Variants in SIPA1L1 observed in about 807,000 individuals in gnomAD.
SIPA1L1 encodes the protein signal-induced proliferation-associated 1-like protein 1.
In SIPA1L1, 26 loss-of-function variants were observed where a neutral mutation model predicts 162.7. The observed-to-expected ratio is 0.16, with a 90% confidence interval of 0.12 to 0.22. The LOEUF (loss-of-function observed/expected upper bound fraction) is 0.22, where lower values mean the gene tolerates loss of function less well. Among genes scored for constraint, SIPA1L1 ranks in the 10% least tolerant of loss-of-function variants. The probability of loss-of-function intolerance (pLI) is 1.00; values close to 1 mark genes in which losing one functional copy is unlikely to be tolerated. For synonymous variants in SIPA1L1, 829 were observed against 837.4 expected (o/e 0.99, Z 0.17); for missense variants, 1,874 against 2,241.0 (o/e 0.84, Z 3.31).
At chr14:71,665,140 A>G (rs1290946450) in intron 10 of SIPA1L1, among the ~76,000 whole-genome samples, 1 of 152,320 alleles carries the variant, frequency 6.6e-6, no homozygotes, top group Admixed American at 6.5e-5. Context: ...ACACAGAAAG[A>G]TAAATTTGGA....
At chr14:71,708,394 G>T (rs536954909) in intron 16 of SIPA1L1, among the ~76,000 whole-genome samples, 2 of 149,306 alleles carry the variant, frequency 1.3e-5, no homozygotes, top group Non-Finnish European at 1.5e-5. Flanking sequence ...GCACAATCTC[G>T]GCTCACTGTA....
chr14:71,425,083 C>T (rs1335365167), intron 2 of SIPA1L1, among the ~76,000 whole-genome samples: 1 of 151,870 alleles, frequency 6.6e-6, no homozygotes, highest in Non-Finnish European at 1.5e-5. Flanking sequence ...CTTTTTATTT[C>T]TGTAGAATCA....
chr14:71,497,176 C>G (rs1459313574), intron 2 of SIPA1L1, among the ~76,000 whole-genome samples: 1 of 147,590 alleles, frequency 6.8e-6, no homozygotes, highest in Non-Finnish European at 1.5e-5. Context: ...TCTCAAAAAA[C>G]AAACAAACAA....
intron 4 of SIPA1L1, among the ~76,000 whole-genome samples, chr14:71,584,476 T>G (rs2034336645): frequency 6.6e-6 from 1 of 152,234 alleles, no homozygotes; most frequent in South Asian, 2.1e-4. Flanking sequence ...CCCCGTCATC[T>G]TCTTACTTGT....
At chr14:71,601,763 T>G (rs986732016) in intron 5 of SIPA1L1, among the ~76,000 whole-genome samples, 3 of 152,160 alleles carry the variant, frequency 2.0e-5, no homozygotes, top group African/African-American at 7.2e-5. Context: ...ATCTTATAAC[T>G]TGTTATTGTT....
chr14:71,705,704 C>T (rs1437294977), intron 16 of SIPA1L1, among the ~76,000 whole-genome samples: 1 of 151,730 alleles, frequency 6.6e-6, no homozygotes, highest in Non-Finnish European at 1.5e-5. Context: ...TGAGAGGGCT[C>T]CAGCAGGACT....
intron 2 of SIPA1L1, among the ~76,000 whole-genome samples, chr14:71,479,951 A>G (rs2048211732): frequency 1.3e-5 from 2 of 151,888 alleles, no homozygotes; most frequent in Admixed American, 1.3e-4. Flanking sequence ...ATTGTCCAGG[A>G]TGATCTTGAA....
chr14:71,730,971 G>T (rs551174008), intron 20 of SIPA1L1, among the ~76,000 whole-genome samples: 120 of 152,180 alleles, frequency 7.9e-4, no homozygotes, highest in Non-Finnish European at 1.4e-3. Context: ...CCATTCCAGG[G>T]CTCTACACCT....
chr14:71,392,642 C>T (rs2040851824), intron 2 of SIPA1L1, among the ~76,000 whole-genome samples: 1 of 152,186 alleles, frequency 6.6e-6, no homozygotes, highest in Non-Finnish European at 1.5e-5. Context: ...ATTCTCCTGC[C>T]TCAGCCTCCC....
chr14:71,734,518 TTC>T (rs1347632131), intron 21 of SIPA1L1, among the ~76,000 whole-genome samples: 1 of 152,236 alleles, frequency 6.6e-6, no homozygotes, highest in Non-Finnish European at 1.5e-5. Context: ...TGATTTTTTT[TTC>T]TGTTTTTGTT....
intron 4 of SIPA1L1, among the ~76,000 whole-genome samples, chr14:71,542,678 C>T (rs1429942406): frequency 7.7e-6 from 1 of 129,434 alleles, no homozygotes; most frequent in African/African-American, 2.9e-5. Flanking sequence ...TCCTCCTCCT[C>T]CTCCTTCCTT....
At chr14:71,731,882 C>T (rs1265639164) in intron 20 of SIPA1L1, among the ~76,000 whole-genome samples, 2 of 152,208 alleles carry the variant, frequency 1.3e-5, no homozygotes, top group Non-Finnish European at 2.9e-5. Flanking sequence ...ACCAGGCAGT[C>T]CTCATTGGGC....
intron 4 of SIPA1L1, among the ~76,000 whole-genome samples, chr14:71,547,235 G>A (rs2055307503): frequency 6.9e-6 from 1 of 144,150 alleles, no homozygotes; most frequent in African/African-American, 2.6e-5. Context: ...GTTCATATGT[G>A]TCTTATATTT....
intron 2 of SIPA1L1, among the ~76,000 whole-genome samples, chr14:71,335,492 A>C (rs530779433): frequency 2.0e-5 from 3 of 152,330 alleles, no homozygotes; most frequent in African/African-American, 7.2e-5. Flanking sequence ...GTCCTGACAC[A>C]TGCAGTGAAT....
At chr14:71,674,049 C>T (rs145664495) in intron 12 of SIPA1L1, among the ~76,000 whole-genome samples, 1 of 152,314 alleles carries the variant, frequency 6.6e-6, no homozygotes, top group African/African-American at 2.4e-5. Context: ...TTCAAATTGT[C>T]TACTTTATTG....
chr14:71,541,957 C>T (rs1022809211), intron 4 of SIPA1L1, among the ~76,000 whole-genome samples: 1 of 152,096 alleles, frequency 6.6e-6, no homozygotes, highest in African/African-American at 2.4e-5. Context: ...TTCTAAAACA[C>T]GTAAGGATCA....
intron 4 of SIPA1L1, 148 bp downstream of exon 4, chr14:71,529,518 T>G: frequency 1.9e-6 from 1 of 522,308 alleles, no homozygotes; most frequent in East Asian, 2.9e-5. Flanking sequence ...GTTTGTCATC[T>G]GCTTTTTGAA....
intron 16 of SIPA1L1, among the ~76,000 whole-genome samples, chr14:71,706,904 A>C (rs1295917915): frequency 9.2e-5 from 14 of 151,896 alleles, no homozygotes; most frequent in Non-Finnish European, 2.9e-5. Flanking sequence ...GTGGTGGCAC[A>C]CACCTGTAGT....
At chr14:71,654,498 TA>T (rs1204793364) in intron 8 of SIPA1L1, among the ~76,000 whole-genome samples, 1 of 152,192 alleles carries the variant, frequency 6.6e-6, no homozygotes, top group Non-Finnish European at 1.5e-5. Context: ...AAGCCGTTTG[TA>T]AAAGCTTTCC....
Sources: gnomAD v4.1 joint callset for allele counts (sites outside exome capture counted in the v4.1 genomes callset) on GRCh38, gnomAD v4.1.1 for gene constraint, MANE v1.5 for transcripts, NCBI Gene and HGNC (gene_info 2026-07-23, HGNC 2026-07-21) for gene names.